Variants in DKC1 observed in about 807,000 individuals in gnomAD.
The protein encoded by DKC1 is H/ACA ribonucleoprotein complex subunit DKC1.
Under a neutral mutation model 46.7 loss-of-function variants are expected in DKC1, and 4 were observed. The ratio of observed to expected loss-of-function variants is 0.09; its 90% CI spans 0.04 to 0.20. The LOEUF is 0.20. Among genes scored for constraint, DKC1 ranks in the 10% least tolerant of loss-of-function variants. The pLI is 1.00. For missense variants in DKC1, 171 were observed against 404.2 expected (o/e 0.42, Z 4.95); for synonymous variants, 141 against 142.4 (o/e 0.99, Z 0.07).
At position 154,767,302 on chromosome X, in the gene DKC1, T is replaced by C; in HGVS notation, c.560T>C (p.Ile187Thr). The C allele has an allele frequency of 8.3e-7, 1 of 1,211,618 alleles. No individual in the cohort carries two copies. Among genetic ancestry groups the C allele is most frequent in the Non-Finnish European group, 1.1e-6 (1 of 895,207 alleles). ...TGALFQRPPL[I>T]AAVKRQLRVR... ...GCCTTATTCCAGCGACCCCCACTTATTGCTGCAGTAAAGAGGCAGCTCCGA... is the reference window on the plus strand; with the variant it reads ...GCCTTATTCCAGCGACCCCCACTTACTGCTGCAGTAAAGAGGCAGCTCCGA... Residue 187 changes from isoleucine to threonine, a missense_variant, in exon 7 of 15, where the codon ATT becomes ACT. Physicochemically the swap from Ile to Thr is moderately conservative, Grantham distance 89 (BLOSUM62 -1). This residue lies in a region of DKC1 where 60 missense variants were observed against 206.5 expected (regional missense o/e 0.29). Coordinates refer to ENST00000369550, the MANE Select transcript of DKC1 (RefSeq NM_001363.5).
chrX:154,774,495 C>G (rs1319963635), intron 11 of DKC1, 107 bp from the exon 12 acceptor site: 2 of 680,843 alleles, frequency 2.9e-6, no homozygotes, highest in African/African-American at 4.2e-5. Flanking sequence ...AGTTTGAGGC[C>G]CTGCTGAGAA....
intron 10 of DKC1, among the ~76,000 whole-genome samples, chrX:154,772,573 CT>C (rs1489975599): frequency 8.9e-6 from 1 of 112,388 alleles, no homozygotes; most frequent in Non-Finnish European, 1.9e-5. Context: ...TATTTTGAGT[CT>C]TTTGTGGTTC....
In DKC1 at chrX:154,770,882, AAG is replaced by A. The variant is rs1557264868; in HGVS notation, c.1036+6_1036+7del. 1.7e-6 allele frequency: 2 copies of A among 1,210,150 alleles called. No homozygotes were observed. Among genetic ancestry groups the A allele is most frequent in the African/African-American group, 1.7e-5 (1 of 57,714 alleles). ...CAAAGGAGAAGCAATCTGCATGGGT[AAG>A]AGGGGATGTTTATTTTTTAAATTCT... On this transcript the variant is annotated splice_donor_5th_base_variant and intron_variant, in intron 10 of 14. Transcript: ENST00000369550.
At chrX:154,773,674 A>G (rs1164098697) in intron 11 of DKC1, among the ~76,000 whole-genome samples, 2 of 111,554 alleles carry the variant, frequency 1.8e-5, no homozygotes, top group Admixed American at 1.9e-4. Context: ...AGTGCAGAAC[A>G]AAATGAAAAG....
intron 10 of DKC1, 84 bp from the exon 11 acceptor site, chrX:154,773,047 G>C: frequency 1.5e-6 from 1 of 666,280 alleles, no homozygotes; most frequent in Non-Finnish European, 2.4e-6. Context: ...GTTTTAAAGT[G>C]GCATACAACA....
Position 154,766,987 on chromosome X carries a change from C to G in DKC1, c.449-10C>G, listed in dbSNP as rs1167594740. 9 of 1,208,337 alleles carry G rather than the reference C, an allele frequency of 7.4e-6. No individual in the cohort carries two copies. The highest frequency in any genetic ancestry group is 9.0e-6 in the Non-Finnish European group (8 of 893,594). On this transcript the variant is annotated splice_polypyrimidine_tract_variant and intron_variant, in intron 5 of 14. Transcript: ENST00000369550. ...TGGCCACACCTGACTACTCTTTTGT[C>G]ATTTTTCAGGCAAAGAGTATGTGGG...
Position 154,776,809 on chromosome X carries a change from C to G in DKC1, c.1487C>G (p.Thr496Ser). The G allele has an allele frequency of 8.3e-7, 1 of 1,206,793 alleles. No homozygotes were observed. The highest frequency in any genetic ancestry group is 1.1e-6 in the Non-Finnish European group (1 of 892,711). Residue 496 changes from threonine (T) to serine (S), a missense_variant, in exon 15 of 15, where the codon ACC (threonine) becomes AGC (serine). Physicochemically the swap from Thr to Ser is moderately conservative, Grantham distance 58. Around this residue, in one of 4 missense-constraint regions of DKC1, gnomAD observed 54 missense variants for 64.4 expected, o/e 0.84. Transcript: ENST00000369550. ...GAEPGDGDSDTTKKKKKKKKA... is the reference protein window; with the variant it reads ...GAEPGDGDSDSTKKKKKKKKA... The stretch of plus-strand genomic sequence containing the variant: ...TCTCTTTCTTTCTAGGACAGTGATA[C>G]CACCAAGAAGAAGAAGAAGAAGAAG...
rs782576893 is a variant in DKC1, at chrX:154,776,813, CAAG to C, written c.1512_1514del (p.Lys505del). On this transcript the variant is annotated inframe_deletion, in exon 15 of 15. Transcript: ENST00000369550. ...TTTCTTTCTAGGACAGTGATACCAC[CAAG>C]AAGAAGAAGAAGAAGAAGAAAGCAA... 2.9e-3 allele frequency: 3,035 copies of C among 1,059,870 alleles called. No individual in the cohort carries two copies. The highest frequency in any genetic ancestry group is 3.9e-3 in the Admixed American group (152 of 39,098). 87.3% of individuals were successfully genotyped at this position (1,059,870 alleles called of 1,213,427 possible). A position where few individuals can be genotyped will look rare whatever the true frequency, so the allele number is the denominator to read the frequency against.
intron 5 of DKC1, 196 bp downstream of exon 5, chrX:154,766,596 T>G: frequency 2.2e-6 from 1 of 456,647 alleles, no homozygotes; most frequent in Non-Finnish European, 3.8e-6. Flanking sequence ...TTCCACATAC[T>G]AAGCATGTAT....
chrX:154,770,610 A>C lies in DKC1; in HGVS notation c.916-149A>C, dbSNP rs782398923. 1,405 of 711,397 alleles carry C rather than the reference A, an allele frequency of 2.0e-3. 15 individuals are homozygous for C. In the African/African-American group the frequency reaches 0.027, roughly 14 times the overall value. The allele number at this position is 711,397 out of a possible 1,213,427, so 58.6% of individuals were successfully genotyped here. ...CAGTGAGGTGGCTCTTCTGAGTACC[A>C]CTCATGCCCCTTGCAGCTAGTGGGC... On this transcript the variant is annotated intron_variant, in intron 9 of 14. Coordinates refer to ENST00000369550, the MANE Select transcript of DKC1 (RefSeq NM_001363.5).
chrX:154,765,305 C>T (rs2071731276), intron 2 of DKC1, 139 bp from the exon 3 acceptor site: 1 of 586,514 alleles, frequency 1.7e-6, no homozygotes, highest in South Asian at 2.2e-5. Flanking sequence ...TTTCTTCTCT[C>T]TCTTTCCCTT....
chrX:154,776,113 C>T lies in DKC1; in HGVS notation c.1339-74C>T, dbSNP rs1478350555. 8 of 1,161,776 alleles carry T rather than the reference C, an allele frequency of 6.9e-6. No homozygotes were observed. In the African/African-American group the frequency reaches 8.9e-5, roughly 13 times the overall value. On this transcript the variant is annotated intron_variant, in intron 13 of 14. Transcript: ENST00000369550. Reference sequence around the variant, plus strand: ...TGGGATCTTTCTTGGTGCCTTGCTACCTTTTGACTCACTGAACCTTTCTTG... The same window carrying T: ...TGGGATCTTTCTTGGTGCCTTGCTATCTTTTGACTCACTGAACCTTTCTTG...
chrX:154,765,384 A>C lies in DKC1; in HGVS notation c.85-60A>C, dbSNP rs1261109531. On this transcript the variant is annotated intron_variant, in intron 2 of 14. Transcript: ENST00000369550. ...AAAAGGCATACATTTCCATGGCAGT[A>C]ATGGAATTGTTCAAAATCGGGTGGG... 4.3e-6 allele frequency: 4 copies of C among 925,233 alleles called. No homozygotes were observed. The African/African-American group carries it at 7.8e-5, about 18-fold the overall frequency. The allele number at this position is 925,233 out of a possible 1,213,427, so 76.2% of individuals were successfully genotyped here.
intron 12 of DKC1, 157 bp from the exon 13 acceptor site, chrX:154,775,038 C>T (rs1557265500): frequency 1.6e-6 from 1 of 610,730 alleles, no homozygotes; most frequent in Non-Finnish European, 2.9e-6. Context: ...TCGTGGGACT[C>T]TAGAGGGAGT....
chrX:154,767,687 GT>G (rs782796274), intron 7 of DKC1, among the ~76,000 whole-genome samples: 1 of 111,413 alleles, frequency 9.0e-6, no homozygotes, highest in East Asian at 2.8e-4. Flanking sequence ...TTTTGCATGT[GT>G]TTTTTATTTG....
chrX:154,769,729 C>G (rs1456828958), intron 9 of DKC1, among the ~76,000 whole-genome samples: 3 of 112,444 alleles, frequency 2.7e-5, no homozygotes, highest in Non-Finnish European at 5.6e-5. Flanking sequence ...ATATTCAAAT[C>G]TTGTATAGAT....
chrX:154,763,054 G>A (rs1164917565), intron 1 of DKC1, 73 bp downstream of exon 1: 2 of 1,105,391 alleles, frequency 1.8e-6, no homozygotes, highest in African/African-American at 1.8e-5. Flanking sequence ...GATGGTATCG[G>A]GGCCCGCGCA....
rs2071777463 is a variant in DKC1 at position 154,768,436 on chromosome X, T to C, written c.771+4T>C. On this transcript the variant is annotated splice_donor_region_variant and intron_variant, in intron 8 of 14. Transcript: ENST00000369550. ...TTCTGGAGTCATGAGTGAAAAGGTA[T>C]GTGTTACGGGGCTAGAAGTTTTAGA... 1.7e-6 allele frequency: 2 copies of C among 1,211,335 alleles called. No homozygotes were observed. The highest frequency in any genetic ancestry group is 1.7e-5 in the African/African-American group (1 of 57,639).
At chrX:154,771,171 G>GT (rs1186586762) in intron 10 of DKC1, among the ~76,000 whole-genome samples, 3 of 96,465 alleles carry the variant, frequency 3.1e-5, no homozygotes, top group African/African-American at 1.1e-4. Context: ...CATTCTTTTG[G>GT]TTTTTTGGTG....
Sources: allele counts gnomAD v4.1 joint callset (sites outside exome capture counted in the v4.1 genomes callset), GRCh38; gene constraint gnomAD v4.1.1; regional missense constraint gnomAD v4.1.1; transcripts MANE v1.5; gene names NCBI Gene and HGNC (gene_info 2026-07-23, HGNC 2026-07-21).